STRADB: variants seen among roughly 807,000 people sequenced by gnomAD.
STRADB encodes STE20-related kinase adapter protein beta.
Under a neutral mutation model 52.1 loss-of-function variants are expected in STRADB, and 34 were observed. The ratio of observed to expected loss-of-function variants is 0.65; its 90% CI spans 0.50 to 0.87. STRADB has a LOEUF of 0.87. Among genes scored for constraint, STRADB ranks in the 40% least tolerant of loss-of-function variants. The pLI, the probability that STRADB is intolerant of heterozygous loss-of-function variation, is 0.00. For synonymous variants in STRADB, 133 were observed against 174.5 expected (o/e 0.76, Z 1.87); for missense variants, 340 against 483.9 (o/e 0.70, Z 2.79).
intron 4 of STRADB, among the ~76,000 whole-genome samples, chr2:201,472,512 C>T (rs185188361): frequency 5.8e-4 from 88 of 152,306 alleles, no homozygotes; most frequent in South Asian, 4.8e-3. Flanking sequence ...AAGAAGTTGA[C>T]AACTGTGTTC....
intron 3 of STRADB, among the ~76,000 whole-genome samples, chr2:201,463,193 T>A (rs1952244337): frequency 6.6e-6 from 1 of 152,100 alleles, no homozygotes; most frequent in Non-Finnish European, 1.5e-5. Context: ...AAAAATTAGC[T>A]GGGCGTGGTG....
rs1952514293 is a variant in STRADB, at chr2:201,478,403, T to C, written c.872T>C (p.Ile291Thr). ...LKGPPYSPLD[I>T]SIFPQSESRM... Reference sequence around the variant, plus strand: ...GGTCCTCCTTATAGCCCATTGGATATCAGTATTTTCCCTCAATCAGAATCC... The same window carrying C: ...GGTCCTCCTTATAGCCCATTGGATACCAGTATTTTCCCTCAATCAGAATCC... Residue 291 changes from isoleucine to threonine, a missense_variant, in exon 10 of 12, where the codon ATC becomes ACC. Physicochemically the swap from Ile to Thr is moderately conservative, Grantham distance 89. Transcript: ENST00000194530. 1 of 1,614,128 alleles carries C rather than the reference T, an allele frequency of 6.2e-7. No individual in the cohort carries two copies. Among genetic ancestry groups the C allele is most frequent in the Non-Finnish European group, 8.5e-7 (1 of 1,180,030 alleles).
At position 201,479,493 on chromosome 2, in the gene STRADB, T is replaced by G. The variant is rs748915345; in HGVS notation, c.1075T>G (p.Ser359Ala). 33 of 1,601,302 alleles carry G rather than the reference T, an allele frequency of 2.1e-5. No homozygotes were observed. Among genetic ancestry groups the G allele is most frequent in the Admixed American group, 1.1e-4 (6 of 56,668 alleles). ...TAACTTTCTTAAAAATTTCAGGCCA[T>G]CAGCAAGCAGTTTATTGTCCCATGT... ...CLQQDPEKRP[S>A]ASSLLSHVFF... Residue 359 changes from serine (S) to alanine (A), a missense_variant, in exon 11 of 12, where the codon TCA becomes GCA. Transcript: ENST00000194530.
rs750646416 is a variant in STRADB, at chr2:201,478,417, C to T, written c.886C>T (p.Gln296Ter). 17 of 1,613,990 alleles carry T rather than the reference C, an allele frequency of 1.1e-5. No homozygotes were observed. The highest frequency in any genetic ancestry group is 1.4e-5 in the Non-Finnish European group (17 of 1,180,036). ...YSPLDISIFP[Q>*]SESRMKNSQS... ...CCCATTGGATATCAGTATTTTCCCT[C>T]AATCAGAATCCAGAATGAAAAATTC... is the stretch of plus-strand genomic sequence containing the variant. The change falls in exon 10 of 12, where the codon CAA (glutamine) becomes TAA (stop). Residue 296 changes from glutamine to a stop codon, truncating the protein, a stop_gained. Transcript: ENST00000194530. LOFTEE classifies it high-confidence loss of function.
intron 3 of STRADB, among the ~76,000 whole-genome samples, chr2:201,467,290 C>T (rs1017221686): frequency 2.0e-5 from 3 of 152,208 alleles, no homozygotes; most frequent in Admixed American, 1.3e-4. Context: ...TACTTCCTTT[C>T]GCTGCAAGCA....
chr2:201,464,293 A>G (rs1028402037), intron 3 of STRADB, among the ~76,000 whole-genome samples: 11 of 152,044 alleles, frequency 7.2e-5, no homozygotes, highest in Non-Finnish European at 1.3e-4. Context: ...CTGTAACTCT[A>G]TCTGCATTAG....
chr2:201,471,447 A>G (rs1952386759), intron 4 of STRADB, among the ~76,000 whole-genome samples: 1 of 152,230 alleles, frequency 6.6e-6, no homozygotes, highest in Admixed American at 6.5e-5. Flanking sequence ...CTTCCGCTAG[A>G]GAGACATTGT....
At chr2:201,453,486 C>T (rs1394534016) in intron 1 of STRADB, among the ~76,000 whole-genome samples, 1 of 152,116 alleles carries the variant, frequency 6.6e-6, no homozygotes, top group Non-Finnish European at 1.5e-5. Flanking sequence ...GATTACTTGG[C>T]TGTTAACAGA....
intron 3 of STRADB, among the ~76,000 whole-genome samples, chr2:201,459,975 A>G (rs979998818): frequency 2.0e-5 from 3 of 152,136 alleles, no homozygotes; most frequent in Non-Finnish European, 4.4e-5. Flanking sequence ...TATCTTAGAT[A>G]TATCTAAGGA....
At chr2:201,455,703 C>CAA (rs746723266) in intron 2 of STRADB, among the ~76,000 whole-genome samples, 1 of 132,488 alleles carries the variant, frequency 7.5e-6, no homozygotes, top group Admixed American at 7.6e-5. Context: ...GATCCTGTCT[C>CAA]AAAAAAAAAA....
chr2:201,470,731 G>T (rs1169284991), intron 4 of STRADB, among the ~76,000 whole-genome samples: 1 of 152,164 alleles, frequency 6.6e-6, no homozygotes, highest in Non-Finnish European at 1.5e-5. Context: ...AGCATACAAC[G>T]AACCACCTCT....
intron 5 of STRADB, 56 bp from the exon 6 acceptor site, chr2:201,474,591 T>C: frequency 6.7e-7 from 1 of 1,486,346 alleles, no homozygotes; most frequent in Non-Finnish European, 9.3e-7. Flanking sequence ...GCCATTTTCA[T>C]CATAAGGAAA....
intron 4 of STRADB, among the ~76,000 whole-genome samples, chr2:201,470,489 G>T (rs1952372638): frequency 6.6e-6 from 1 of 152,188 alleles, no homozygotes; most frequent in African/African-American, 2.4e-5. Flanking sequence ...AATAGGATGG[G>T]TTATTGTTTA....
At chr2:201,478,275 A>C in intron 9 of STRADB, 82 bp from the exon 10 acceptor site, 2 of 1,594,424 alleles carry the variant, frequency 1.3e-6, no homozygotes, top group South Asian at 2.3e-5. Flanking sequence ...CATGTTTGCT[A>C]TAGACTCTTA....
chr2:201,453,108 A>G (rs1202428767), intron 1 of STRADB, among the ~76,000 whole-genome samples: 14 of 151,562 alleles, frequency 9.2e-5, no homozygotes, highest in Non-Finnish European at 1.6e-4. Flanking sequence ...ATCTCTTAAT[A>G]GTCTGGTGTA....
At position 201,477,800 on chromosome 2, in the gene STRADB, G is replaced by A. The variant is rs1442018820; in HGVS notation, c.720+10G>A. 1 of 1,607,974 alleles carries A rather than the reference G, an allele frequency of 6.2e-7. No individual in the cohort carries two copies. The highest frequency in any genetic ancestry group is 2.2e-5 in the East Asian group (1 of 44,664). ...AGAACTACTGAGACAGGTCAGGTGT[G>A]GCCGTTGGATTGGGTTGTCTGTGTC... On this transcript the variant is annotated intron_variant, in intron 8 of 11. Coordinates refer to ENST00000194530, the MANE Select transcript of STRADB (RefSeq NM_018571.6).
intron 2 of STRADB, among the ~76,000 whole-genome samples, chr2:201,455,326 TTTAGA>T (rs1360270187): frequency 6.6e-6 from 1 of 152,220 alleles, no homozygotes; most frequent in Non-Finnish European, 1.5e-5. Context: ...TGGTATCTAC[TTTAGA>T]TTAAGTAGCT....
intron 3 of STRADB, among the ~76,000 whole-genome samples, chr2:201,462,457 TCTTC>T (rs1400109472): frequency 2.6e-5 from 4 of 152,212 alleles, no homozygotes; most frequent in Admixed American, 2.0e-4. Flanking sequence ...TTTTGTATTC[TCTTC>T]CTTCCTTCCT....
intron 3 of STRADB, chr2:201,460,854 G>T: frequency 4.2e-6 from 1 of 237,306 alleles, no homozygotes; most frequent in Non-Finnish European, 9.2e-6. Context: ...TCAATATACT[G>T]ATTTCTTTTC....
Sources: allele counts gnomAD v4.1 joint callset (sites outside exome capture counted in the v4.1 genomes callset), GRCh38; gene constraint gnomAD v4.1.1; transcripts MANE v1.5; gene names NCBI Gene and HGNC (gene_info 2026-07-23, HGNC 2026-07-21).